Variants in HPX observed in about 807,000 individuals in gnomAD.
The protein encoded by HPX is hemopexin.
A neutral mutation model predicts 53.8 loss-of-function variants in HPX; 42 were observed. The observed-to-expected ratio is 0.78, with a 90% confidence interval of 0.61 to 1.01. The LOEUF (loss-of-function observed/expected upper bound fraction) is 1.01, where lower values mean the gene tolerates loss of function less well. Ranked by LOEUF, HPX falls within the 50% of genes least tolerant of loss-of-function variation. The pLI is 0.00. For missense variants in HPX, 547 were observed against 594.3 expected (o/e 0.92, Z 0.83); for synonymous variants, 229 against 221.1 (o/e 1.04, Z -0.32).
At position 6,437,425 on chromosome 11, in the gene HPX, C is replaced by T; in HGVS notation, c.703+15G>A. The T allele has an allele frequency of 6.2e-7, 1 of 1,609,320 alleles. No homozygotes were observed. On this transcript the variant is annotated intron_variant, in intron 6 of 9. Transcript: ENST00000265983. ...GATGAATTCTGACAGGTCTCAAGTG[C>T]TAGGGCTTTCTCACCTCTGCCAGGG...
rs571997647 is a variant in HPX at position 6,434,306 on chromosome 11, G to C, written c.836-2289C>G. On this transcript the variant is annotated intron_variant, in intron 7 of 9. Transcript: ENST00000265983. ...GGAGGTTTCCCACTGAAATTACCCT[G>C]CTCAGGAACCATATTTATTTTATTT... 3.9e-5 allele frequency among the ~76,000 whole-genome samples: 6 copies of C among 152,198 alleles called. No homozygotes were observed. The South Asian group carries it at 1.2e-3, about 32-fold the overall frequency.
rs546143822 is a variant in HPX at position 6,437,347 on chromosome 11, C to T, written c.703+93G>A. ...GATTAAGGGCCAAGGTGTCGCAACA[C>T]GGAGTTAAAGTGAGAGCTAGGACAC... On this transcript the variant is annotated intron_variant, in intron 6 of 9. Transcript: ENST00000265983. The T allele has an allele frequency of 3.6e-5, 50 of 1,391,190 alleles. 1 individual carries two copies. Among genetic ancestry groups the T allele is most frequent in the South Asian group, 1.1e-4 (9 of 84,722 alleles). 86.2% of individuals were successfully genotyped at this position (1,391,190 alleles called of 1,614,324 possible). A position where few individuals can be genotyped will look rare whatever the true frequency, so the allele number is the denominator to read the frequency against.
At chr11:6,437,687 C>T (rs1328784104) in intron 5 of HPX, 35 bp from the exon 6 acceptor site, 8 of 1,552,536 alleles carry the variant, frequency 5.2e-6, no homozygotes, top group Middle Eastern at 1.7e-4. Context: ...TTTGGTGAGA[C>T]CGGGTTACGC....
Position 6,431,092 on chromosome 11 carries a change from A to T in HPX, c.*119T>A. On this transcript the variant is annotated 3_prime_UTR_variant, in exon 10 of 10. Transcript: ENST00000265983. Reference sequence around the variant, plus strand: ...CTGTCTTTATTATGAGAAACTGGGGAGGTGGGGCCAGGCCAGACTCATGTC... The same window carrying T: ...CTGTCTTTATTATGAGAAACTGGGGTGGTGGGGCCAGGCCAGACTCATGTC... 7.7e-7 allele frequency: 1 copy of T among 1,305,934 alleles called. No individual in the cohort carries two copies. The highest frequency in any genetic ancestry group is 1.0e-6 in the Non-Finnish European group (1 of 959,746). 80.9% of individuals were successfully genotyped at this position (1,305,934 alleles called of 1,614,324 possible).
rs1275170776 is a variant in HPX at position 6,440,163 on chromosome 11, A to G, written c.336+2T>C. ...CTGGCCCTGATTTTGGCCCAGCAGTACCTTGATCAGAAAGACACTGTTGTG... is the reference window on the plus strand; with the variant it reads ...CTGGCCCTGATTTTGGCCCAGCAGTGCCTTGATCAGAAAGACACTGTTGTG... On this transcript the variant is annotated splice_donor_variant, in intron 4 of 9. Coordinates refer to ENST00000265983, the MANE Select transcript of HPX (RefSeq NM_000613.3). LOFTEE classifies it high-confidence loss of function. The G allele has an allele frequency of 5.0e-6, 8 of 1,613,952 alleles. No individual in the cohort carries two copies. In the Admixed American group the frequency reaches 1.3e-4, roughly 27 times the overall value.
At position 6,438,434 on chromosome 11, in the gene HPX, C is replaced by T. The variant is rs1274639086; in HGVS notation, c.412G>A (p.Gly138Arg). ...GCTGCATCCAGTGGGGATGGGATTC[C>T]AGGAAATTCATCTTGGAGCAACTTT... is the stretch of plus-strand genomic sequence containing the variant. ...YPKLLQDEFP[G>R]IPSPLDAAVE... The change falls in exon 5 of 10, where the codon GGA becomes AGA. Residue 138 changes from glycine to arginine, a missense_variant. Gly to Arg is a moderately radical substitution (Grantham distance 125, BLOSUM62 -2). Transcript: ENST00000265983. 1 of 1,613,978 alleles carries T rather than the reference C, an allele frequency of 6.2e-7. No homozygotes were observed. The highest frequency in any genetic ancestry group is 1.7e-5 in the Admixed American group (1 of 60,002).
chr11:6,434,236 C>T (rs767300742), intron 7 of HPX, among the ~76,000 whole-genome samples: 9 of 152,262 alleles, frequency 5.9e-5, no homozygotes, highest in Non-Finnish European at 1.0e-4. Flanking sequence ...TCTTATTAGC[C>T]GTGTACTGAG....
chr11:6,438,500 C>A lies in HPX; in HGVS notation c.346G>T (p.Val116Phe). ...TTCTTTTCAGGAGGGTATACCCAGA[C>A]TTTGTCCCCCTGCATTCAAAAGTAC... ...NSVFLIKGDKVWVYPPEKKEK... is the reference protein window; with the variant it reads ...NSVFLIKGDKFWVYPPEKKEK... Residue 116 changes from valine (V) to phenylalanine (F), a missense_variant, in exon 5 of 10, where the codon GTC (valine) becomes TTC (phenylalanine). Val to Phe is a conservative substitution (Grantham distance 50). Transcript: ENST00000265983. The A allele has an allele frequency of 6.2e-7, 1 of 1,614,024 alleles. No individual in the cohort carries two copies. Among genetic ancestry groups the A allele is most frequent in the East Asian group, 2.2e-5 (1 of 44,886 alleles).
At chr11:6,435,960 ACT>A (rs201749439) in intron 7 of HPX, among the ~76,000 whole-genome samples, 3 of 148,774 alleles carry the variant, frequency 2.0e-5, no homozygotes, top group East Asian at 2.0e-4. Context: ...TCTCTCACTC[ACT>A]CTCTCTCTCT....
At position 6,440,669 on chromosome 11, in the gene HPX, C is replaced by T. The variant is rs1849472674; in HGVS notation, c.142+3G>A. 6.2e-6 allele frequency: 10 copies of T among 1,612,552 alleles called. No homozygotes were observed. Among genetic ancestry groups the T allele is most frequent in the South Asian group, 1.1e-5 (1 of 91,026 alleles). On this transcript the variant is annotated splice_donor_region_variant and intron_variant, in intron 2 of 9. Coordinates refer to ENST00000265983, the MANE Select transcript of HPX (RefSeq NM_000613.3). ...AGACAGACTTAGGGAGTCAGGGCCTCACCAGTCACGTCTGGGTCTGGCTTG... is the reference window on the plus strand; with the variant it reads ...AGACAGACTTAGGGAGTCAGGGCCTTACCAGTCACGTCTGGGTCTGGCTTG...
At position 6,437,981 on chromosome 11, in the gene HPX, G is replaced by A. The variant is rs933318540; in HGVS notation, c.491-329C>T. On this transcript the variant is annotated intron_variant, in intron 5 of 9. Coordinates refer to ENST00000265983, the MANE Select transcript of HPX (RefSeq NM_000613.3). ...TTCCAAAGCATGGAGCAAACTGAGTGTACAGAGAATAGCATAGGGTTTCTG... is the reference window on the plus strand; with the variant it reads ...TTCCAAAGCATGGAGCAAACTGAGTATACAGAGAATAGCATAGGGTTTCTG... 5 of 519,050 alleles carry A rather than the reference G, an allele frequency of 9.6e-6. No individual in the cohort carries two copies. The Admixed American group carries it at 1.6e-4, about 17-fold the overall frequency. 32.2% of individuals were successfully genotyped at this position (519,050 alleles called of 1,614,324 possible).
chr11:6,431,861 C>T (rs1007252301), intron 8 of HPX, 26 bp downstream of exon 8: 1 of 1,613,998 alleles, frequency 6.2e-7, no homozygotes, highest in Admixed American at 1.7e-5. Context: ...CCAGTCTCTA[C>T]CTCAAGCCTC....
Position 6,440,666 on chromosome 11 carries a change from C to A in HPX, c.142+6G>T, listed in dbSNP as rs564930305. On this transcript the variant is annotated splice_donor_region_variant and intron_variant, in intron 2 of 9. Coordinates refer to ENST00000265983, the MANE Select transcript of HPX (RefSeq NM_000613.3). The stretch of plus-strand genomic sequence containing the variant: ...ATAAGACAGACTTAGGGAGTCAGGG[C>A]CTCACCAGTCACGTCTGGGTCTGGC... 13 of 1,612,476 alleles carry A rather than the reference C, an allele frequency of 8.1e-6. No individual in the cohort carries two copies. The highest frequency in any genetic ancestry group is 1.1e-5 in the Non-Finnish European group (13 of 1,179,432).
In HPX at chr11:6,431,463, C is replaced by A; in HGVS notation, c.1137G>T (p.Arg379=). The A allele has an allele frequency of 1.2e-6, 2 of 1,614,188 alleles. No individual in the cohort carries two copies. The highest frequency in any genetic ancestry group is 8.5e-7 in the Non-Finnish European group (1 of 1,180,028). The change falls in exon 10 of 10, where the codon CGG becomes CGT. Residue 379 remains arginine (R), a synonymous_variant. Coordinates refer to ENST00000265983, the MANE Select transcript of HPX (RefSeq NM_000613.3). The stretch of plus-strand genomic sequence containing the variant: ...CTGACTTCAGGTCCAGCCACCACAG[C>A]CGCCGTCCTGGGGAGAAGGCACCAA... ...SSRLHIMAGR[R]LWWLDLKSGA...
chr11:6,432,141 G>A, intron 7 of HPX, 124 bp from the exon 8 acceptor site: 3 of 1,056,642 alleles, frequency 2.8e-6, no homozygotes, highest in Middle Eastern at 5.8e-4. Flanking sequence ...AGATGGAAGA[G>A]GCCAGGTGAG....
chr11:6,433,491 G>T (rs1388284707), intron 7 of HPX, among the ~76,000 whole-genome samples: 1 of 152,158 alleles, frequency 6.6e-6, no homozygotes, highest in East Asian at 1.9e-4. Flanking sequence ...TTAGCTATTA[G>T]TTAATGCTGT....
In HPX at chr11:6,437,504, CCT is replaced by C; in HGVS notation, c.637_638del (p.Arg213GlyfsTer40). On this transcript the variant is annotated frameshift_variant, in exon 6 of 10. Transcript: ENST00000265983. LOFTEE classifies it high-confidence loss of function. ...GCGGGTACCTGGGAGGCACCTCTCCCCTGACAGGGTCGAAGCGCAGGAATTGG... is the reference window on the plus strand; with the variant it reads ...GCGGGTACCTGGGAGGCACCTCTCCCGACAGGGTCGAAGCGCAGGAATTGG... Reference protein sequence around the residue: ...GNQFLRFDPVRGEVPPRYPRD... With the variant: ...GNQFLRFDPVXGEVPPRYPRD... The C allele has an allele frequency of 1.2e-6, 2 of 1,614,198 alleles. No individual in the cohort carries two copies. Among genetic ancestry groups the C allele is most frequent in the South Asian group, 2.2e-5 (2 of 91,086 alleles).
chr11:6,438,620 C>A, intron 4 of HPX, 111 bp from the exon 5 acceptor site: 1 of 946,384 alleles, frequency 1.1e-6, no homozygotes. Context: ...TGTGGCCCTA[C>A]ACATTCTCAG....
At position 6,437,130 on chromosome 11, in the gene HPX, C is replaced by A; in HGVS notation, c.751G>T (p.Gly251Cys). 6.2e-7 allele frequency: 1 copy of A among 1,614,122 alleles called. No homozygotes were observed. The highest frequency in any genetic ancestry group is 8.5e-7 in the Non-Finnish European group (1 of 1,180,004). The change falls in exon 7 of 10, where the codon GGC becomes TGC. Residue 251 changes from glycine (G) to cysteine (C), a missense_variant. Coordinates refer to ENST00000265983, the MANE Select transcript of HPX (RefSeq NM_000613.3). ...GTGHGNSTHH[G>C]PEYMRCSPHL... ...GGGCTACAGCGCATATACTCAGGGC[C>A]ATGGTGGGTACTGTTCCCATGGCCA...
Sources: gnomAD v4.1 joint callset for allele counts (sites outside exome capture counted in the v4.1 genomes callset) on GRCh38, gnomAD v4.1.1 for gene constraint, MANE v1.5 for transcripts, NCBI Gene and HGNC (gene_info 2026-07-23, HGNC 2026-07-21) for gene names.